The following NRG1 variants were observed in gnomAD, a reference collection of about 807,000 sequenced individuals.
NRG1 encodes neuregulin 1.
A neutral mutation model predicts 63.8 loss-of-function variants in NRG1; 18 were observed. The ratio of observed to expected loss-of-function variants is 0.28; its 90% CI spans 0.19 to 0.42. NRG1 has a LOEUF of 0.42. Among genes scored for constraint, NRG1 ranks in the 10% least tolerant of loss-of-function variants. The probability of loss-of-function intolerance (pLI) is 1.00; values close to 1 mark genes in which losing one functional copy is unlikely to be tolerated. For synonymous variants in NRG1, 302 were observed against 301.3 expected, an observed-to-expected ratio of 1.00 and a Z score of -0.02; for missense variants, 762 against 814.7, an observed-to-expected ratio of 0.94 and a Z score of 0.79.
intron 1 of NRG1, among the ~76,000 whole-genome samples, chr8:32,013,104 C>T (rs1411121463): frequency 1.3e-5 from 2 of 151,912 alleles, no homozygotes; most frequent in Admixed American, 6.6e-5. Flanking sequence ...TATCAAGATG[C>T]CTGATGGATA....
intron 1 of NRG1, among the ~76,000 whole-genome samples, chr8:31,790,800 A>G (rs956129741): frequency 1.3e-5 from 2 of 152,186 alleles, no homozygotes; most frequent in Non-Finnish European, 2.9e-5. Context: ...AATTTTATTG[A>G]TAAGAGTGAT....
At chr8:32,283,504 A>G (rs987984902) in intron 1 of NRG1, among the ~76,000 whole-genome samples, 4 of 152,214 alleles carry the variant, frequency 2.6e-5, no homozygotes, top group Non-Finnish European at 4.4e-5. Flanking sequence ...GTTAGAACGC[A>G]ATGAAACCCA....
Position 32,133,585 on chromosome 8 carries a change from T to C in NRG1, c.38-462243T>C, listed in dbSNP as rs556023523. Among the ~76,000 whole-genome samples the C allele has an allele frequency of 2.0e-5, 3 of 152,304 alleles. No individual in the cohort carries two copies. The South Asian group carries it at 6.2e-4, about 32-fold the overall frequency. On this transcript the variant is annotated intron_variant, in intron 1 of 10. Transcript: ENST00000519301. ...TCATTCTTTCCTAAAGGGATAATAATAGACATTCATGACCTAATTTAGGAG... is the reference window on the plus strand; with the variant it reads ...TCATTCTTTCCTAAAGGGATAATAACAGACATTCATGACCTAATTTAGGAG...
intron 1 of NRG1, among the ~76,000 whole-genome samples, chr8:32,442,919 C>G (rs1563470832): frequency 6.7e-6 from 1 of 150,050 alleles, no homozygotes; most frequent in South Asian, 2.1e-4. Context: ...CTATGAGTAT[C>G]TTAGAAAGTA....
intron 1 of NRG1, among the ~76,000 whole-genome samples, chr8:32,364,584 C>T (rs895656286): frequency 6.6e-5 from 10 of 152,034 alleles, no homozygotes; most frequent in Admixed American, 2.0e-4. Context: ...GACAACCACC[C>T]GGGTTGTTTT....
intron 1 of NRG1, among the ~76,000 whole-genome samples, chr8:32,558,097 G>T (rs892676766): frequency 2.0e-5 from 3 of 152,154 alleles, no homozygotes; most frequent in African/African-American, 7.2e-5. Flanking sequence ...GACAAGGACC[G>T]CTATCGTTCT....
intron 5 of NRG1, among the ~76,000 whole-genome samples, chr8:32,619,287 A>G (rs1335168935): frequency 6.6e-6 from 1 of 152,206 alleles, no homozygotes; most frequent in Non-Finnish European, 1.5e-5. Flanking sequence ...AGGCTGTACA[A>G]AGGCCCTTAG....
At chr8:32,700,388 A>C (rs1233044766) in intron 5 of NRG1, among the ~76,000 whole-genome samples, 2 of 152,218 alleles carry the variant, frequency 1.3e-5, no homozygotes, top group Non-Finnish European at 2.9e-5. Context: ...AAACAAAAAA[A>C]TCAAATGATC....
intron 1 of NRG1, among the ~76,000 whole-genome samples, chr8:31,865,239 T>G (rs1286378730): frequency 6.6e-6 from 1 of 151,660 alleles, no homozygotes; most frequent in East Asian, 1.9e-4. Flanking sequence ...TGGATGAGAG[T>G]TCAAGACCAC....
chr8:31,644,296 A>C (rs372396333), intron 1 of NRG1, among the ~76,000 whole-genome samples: 2 of 152,304 alleles, frequency 1.3e-5, no homozygotes, highest in East Asian at 3.9e-4. Flanking sequence ...TCTATACCGG[A>C]TTTAAAATAG....
chr8:32,510,515 T>TA (rs1829052944), intron 1 of NRG1, among the ~76,000 whole-genome samples: 2 of 151,808 alleles, frequency 1.3e-5, no homozygotes, highest in East Asian at 3.9e-4. Flanking sequence ...GCTAAAGAAA[T>TA]AAAAAAGTAC....
At chr8:32,670,059 C>G (rs1335092401) in intron 5 of NRG1, among the ~76,000 whole-genome samples, 2 of 152,122 alleles carry the variant, frequency 1.3e-5, no homozygotes, top group Non-Finnish European at 2.9e-5. Flanking sequence ...GTCCAAACAC[C>G]TGGAATTTTT....
chr8:32,408,861 C>G (rs62500164), intron 1 of NRG1, among the ~76,000 whole-genome samples: 1 of 151,976 alleles, frequency 6.6e-6, no homozygotes, highest in Non-Finnish European at 1.5e-5. Flanking sequence ...GTACCTATTA[C>G]GTAACTTGTC....
chr8:31,697,234 A>G (rs1180793924), intron 1 of NRG1, among the ~76,000 whole-genome samples: 2 of 152,154 alleles, frequency 1.3e-5, no homozygotes, highest in Non-Finnish European at 2.9e-5. Context: ...TGCAAATTGA[A>G]TCATTGGAGA....
chr8:32,363,832 G>A (rs1448045057), intron 1 of NRG1, among the ~76,000 whole-genome samples: 1 of 152,064 alleles, frequency 6.6e-6, no homozygotes, highest in Non-Finnish European at 1.5e-5. Context: ...ATAAATGATT[G>A]CCAGGGGTTG....
intron 1 of NRG1, among the ~76,000 whole-genome samples, chr8:32,203,427 T>A (rs1472097056): frequency 6.6e-6 from 1 of 151,878 alleles, no homozygotes; most frequent in Non-Finnish European, 1.5e-5. Flanking sequence ...TTGTCTGGAG[T>A]GCAGTGGTGC....
At chr8:32,455,484 C>G (rs1390276977) in intron 1 of NRG1, among the ~76,000 whole-genome samples, 1 of 152,106 alleles carries the variant, frequency 6.6e-6, no homozygotes, top group Non-Finnish European at 1.5e-5. Flanking sequence ...TCATCACAGC[C>G]CAATTTGACC....
intron 2 of NRG1, among the ~76,000 whole-genome samples, chr8:32,597,325 C>G (rs1004409268): frequency 6.6e-6 from 1 of 152,094 alleles, no homozygotes; most frequent in African/African-American, 2.4e-5. Flanking sequence ...TTAATCTTAT[C>G]AAAGATTTTG....
In NRG1 at chr8:32,295,940, GA is replaced by G. The variant is rs536209588; in HGVS notation, c.38-299872del. ...TGACAGGGCAAGACTAGGTCTCAAGGAAAAAAAAAAAAAAAAGAGAGAGAGA... is the reference window on the plus strand; with the variant it reads ...TGACAGGGCAAGACTAGGTCTCAAGGAAAAAAAAAAAAAAAGAGAGAGAGA... On this transcript the variant is annotated intron_variant, in intron 1 of 10. Transcript: ENST00000519301. Among the ~76,000 whole-genome samples, 124 of 128,076 alleles carry G rather than the reference GA, an allele frequency of 9.7e-4. 1 individual carries two copies. The highest frequency in any genetic ancestry group is 2.6e-3 in the South Asian group (10 of 3,872). 84.0% of individuals were successfully genotyped at this position (128,076 alleles called of 152,430 possible).
Sources: gnomAD v4.1 joint callset for allele counts (sites outside exome capture counted in the v4.1 genomes callset) on GRCh38, gnomAD v4.1.1 for gene constraint, MANE v1.5 for transcripts, NCBI Gene and HGNC (gene_info 2026-07-23, HGNC 2026-07-21) for gene names.